ASS1: variants seen among roughly 807,000 people sequenced by gnomAD.
ASS1 encodes argininosuccinate synthase 1.
ASS1 carries 58 observed loss-of-function variants against 60.5 expected under a neutral mutation model. That is an observed-to-expected ratio of 0.96 (90% CI 0.78 to 1.19). The LOEUF (loss-of-function observed/expected upper bound fraction) is 1.19. ASS1 is among the 50% of genes most tolerant of loss of function. The pLI is 0.00. For synonymous variants in ASS1, 200 were observed against 206.9 expected (o/e 0.97, Z 0.29); for missense variants, 454 against 547.3 (o/e 0.83, Z 1.70).
In ASS1 at chr9:130,489,302, T is replaced by C. The variant is rs1218531765; in HGVS notation, c.839-31T>C. 4.3e-6 allele frequency: 7 copies of C among 1,612,874 alleles called. No homozygotes were observed. The highest frequency in any genetic ancestry group is 3.3e-5 in the South Asian group (3 of 91,024). ...GTTTCATGCGTTTCTCTCTTTTTTC[T>C]CCTTTTCCCCCTGCCTGGAAAAATG... On this transcript the variant is annotated intron_variant, in intron 11 of 14. Transcript: ENST00000352480. This position sits in a 1 kb window ranked among gnomAD's most constrained non-coding sequence, Gnocchi z 4.1.
In ASS1 at chr9:130,470,947, T is replaced by C. The variant is rs1352383433; in HGVS notation, c.566+43T>C. On this transcript the variant is annotated intron_variant, in intron 7 of 14. Transcript: ENST00000352480. This position sits in a 1 kb window ranked among gnomAD's most constrained non-coding sequence, Gnocchi z 4.3. Reference sequence around the variant, plus strand: ...CCCATCCTTGGTCCTCCCGGGCTCATTCCAAAGGACGGCCACGCGCTGCCC... The same window carrying C: ...CCCATCCTTGGTCCTCCCGGGCTCACTCCAAAGGACGGCCACGCGCTGCCC... 4 of 1,604,456 alleles carry C rather than the reference T, an allele frequency of 2.5e-6. No individual in the cohort carries two copies. The highest frequency in any genetic ancestry group is 3.4e-6 in the Non-Finnish European group (4 of 1,171,836).
intron 6 of ASS1, 137 bp downstream of exon 6, chr9:130,466,936 A>C: frequency 9.9e-7 from 1 of 1,008,408 alleles, no homozygotes; most frequent in Non-Finnish European, 1.5e-6. Flanking sequence ...CTTCCACCCC[A>C]GCTGCCTACA....
Position 130,476,998 on chromosome 9 carries a change from CT to C in ASS1, c.688+41del, listed in dbSNP as rs1564154540. 1 of 1,590,058 alleles carries C rather than the reference CT, an allele frequency of 6.3e-7. No homozygotes were observed. The highest frequency in any genetic ancestry group is 1.3e-5 in the African/African-American group (1 of 74,410). ...CCTGTTGGGACTCGAAGGGGGTTGA[CT>C]TTTGGGGCCCTGGCTCCTTTCCCCT... On this transcript the variant is annotated intron_variant, in intron 9 of 14. Transcript: ENST00000352480. The surrounding 1 kb of genome is among the most constrained non-coding windows in gnomAD (Gnocchi z 4.9).
At chr9:130,464,058 A>G (rs1845667923) in intron 4 of ASS1, 53 bp from the exon 5 acceptor site, 2 of 1,601,150 alleles carry the variant, frequency 1.2e-6, no homozygotes, top group Non-Finnish European at 1.7e-6. Flanking sequence ...CCTCCCCCAG[A>G]CTCCAGAACC....
At chr9:130,452,491 A>G (rs1845351057) in intron 2 of ASS1, among the ~76,000 whole-genome samples, 158 bp downstream of exon 2, 1 of 152,170 alleles carries the variant, frequency 6.6e-6, no homozygotes, top group South Asian at 2.1e-4. Context: ...TGGAACTAGG[A>G]AAATAGCTTC....
rs777018890 is a variant in ASS1 at position 130,454,389 on chromosome 9, C to G, written c.174+16C>G. 6.2e-7 allele frequency: 1 copy of G among 1,612,568 alleles called. No individual in the cohort carries two copies. Among genetic ancestry groups the G allele is most frequent in the Admixed American group, 1.7e-5 (1 of 59,828 alleles). ...GGCCAAAAAGGTACCAGGCGGGAGG[C>G]AGGGATTTGGGCTGGGAGTGGGGCG... On this transcript the variant is annotated intron_variant, in intron 3 of 14. Coordinates refer to ENST00000352480, the MANE Select transcript of ASS1 (RefSeq NM_054012.4).
chr9:130,451,887 A>C (rs545095651), intron 1 of ASS1: 125 of 507,010 alleles, frequency 2.5e-4, no homozygotes, highest in Non-Finnish European at 2.3e-5. Flanking sequence ...TGCATTCCTC[A>C]CATCCTGGCC....
chr9:130,475,750 T>C (rs947518235), intron 8 of ASS1, among the ~76,000 whole-genome samples: 1 of 150,310 alleles, frequency 6.7e-6, no homozygotes, highest in Non-Finnish European at 1.5e-5. Flanking sequence ...TGTTTTTTTT[T>C]TTTTTTTTTT....
At chr9:130,454,487 A>G in intron 3 of ASS1, 114 bp downstream of exon 3, 1 of 1,166,220 alleles carries the variant, frequency 8.6e-7, no homozygotes, top group Non-Finnish European at 1.2e-6. Flanking sequence ...TCTTGCTTCT[A>G]AGAGTATGAG....
At chr9:130,498,682 G>GCATTTCACAAGTGCAAGGCTGAGGCT (rs1276124300) in intron 13 of ASS1, among the ~76,000 whole-genome samples, 3 of 152,188 alleles carry the variant, frequency 2.0e-5, no homozygotes, top group South Asian at 4.1e-4. Context: ...CCACCATCAC[G>GCATTTCACAAGTGCAAGGCTGAGGCT]CATTTCACAA....
intron 10 of ASS1, chr9:130,480,046 G>A (rs750574988): frequency 6.1e-5 from 42 of 687,742 alleles, no homozygotes; most frequent in Non-Finnish European, 9.7e-5. Context: ...TCATTAGGCC[G>A]GGGCTCTCAG....
intron 11 of ASS1, among the ~76,000 whole-genome samples, chr9:130,485,649 T>C (rs1846290468): frequency 6.6e-6 from 1 of 152,160 alleles, no homozygotes; most frequent in African/African-American, 2.4e-5. Flanking sequence ...AGTGTAAGGA[T>C]GGGCTTTGCA....
rs370032974 is a variant in ASS1 at position 130,470,793 on chromosome 9, C to T, written c.496-41C>T. The T allele has an allele frequency of 5.9e-5, 94 of 1,602,190 alleles. No homozygotes were observed. The highest frequency in any genetic ancestry group is 8.0e-5 in the Non-Finnish European group (93 of 1,169,528). On this transcript the variant is annotated intron_variant, in intron 6 of 14. Transcript: ENST00000352480. This position sits in a 1 kb window ranked among gnomAD's most constrained non-coding sequence, Gnocchi z 4.3. ...CCTGGGACGGACCTCACGCGTCCTT[C>T]CAGCCGCCTTACCTCCACCTGTGCT... is the stretch of plus-strand genomic sequence containing the variant.
Position 130,495,009 on chromosome 9 carries a change from T to C in ASS1, c.1113T>C (p.Asn371=). Residue 371 remains asparagine (N), a synonymous_variant, in exon 13 of 15, where the codon AAT becomes AAC. Coordinates refer to ENST00000352480, the MANE Select transcript of ASS1 (RefSeq NM_054012.4). The part of the protein sequence containing the change: ...LGRESPLSLY[N]EELVSMNVQG... ...GGGAGTCCCCACTGTCTCTCTACAA[T>C]GAGGAGCTGGTGAGGTAGGTGCCCC... 3.1e-6 allele frequency: 5 copies of C among 1,612,410 alleles called. No individual in the cohort carries two copies. The highest frequency in any genetic ancestry group is 1.1e-5 in the South Asian group (1 of 90,898).
intron 1 of ASS1, among the ~76,000 whole-genome samples, chr9:130,445,552 T>C (rs1845175770): frequency 6.6e-6 from 1 of 152,134 alleles, no homozygotes; most frequent in African/African-American, 2.4e-5. Context: ...CTCCCTTCCC[T>C]GCAGGGGGCG....
At chr9:130,471,231 G>A (rs1845858734) in intron 7 of ASS1, among the ~76,000 whole-genome samples, 1 of 152,046 alleles carries the variant, frequency 6.6e-6, no homozygotes, top group South Asian at 2.1e-4. Context: ...AGAGGCAGAG[G>A]CCCCCCCAAC....
chr9:130,475,566 C>T (rs753512841), intron 8 of ASS1, among the ~76,000 whole-genome samples: 10 of 152,108 alleles, frequency 6.6e-5, no homozygotes, highest in Non-Finnish European at 1.5e-4. Flanking sequence ...TGCCAGGGAA[C>T]AAGTCCCACG....
intron 13 of ASS1, 68 bp downstream of exon 13, chr9:130,495,091 AG>A: frequency 6.5e-7 from 1 of 1,532,774 alleles, no homozygotes. Flanking sequence ...TGGATCCTCA[AG>A]ACATCTGTGC....
chr9:130,480,290 G>C, intron 10 of ASS1, 95 bp from the exon 11 acceptor site: 1 of 1,347,918 alleles, frequency 7.4e-7, no homozygotes, highest in Non-Finnish European at 1.1e-6. Context: ...CTAATGTGTG[G>C]CCTAAGCTGT....
Sources: allele counts gnomAD v4.1 joint callset (sites outside exome capture counted in the v4.1 genomes callset), GRCh38; gene constraint gnomAD v4.1.1; non-coding constraint Gnocchi (gnomAD v3.1); transcripts MANE v1.5; gene names NCBI Gene and HGNC (gene_info 2026-07-23, HGNC 2026-07-21).